Variants in PCDHA10 observed in about 807,000 individuals in gnomAD.
PCDHA10 encodes protocadherin alpha-10.
A neutral mutation model predicts 61.2 loss-of-function variants in PCDHA10; 45 were observed. The ratio of observed to expected loss-of-function variants is 0.74; its 90% CI spans 0.58 to 0.94. The LOEUF is 0.94. PCDHA10 is among the 40% of genes least tolerant of loss of function. PCDHA10 has a pLI of 0.00. For synonymous variants in PCDHA10, 602 were observed against 548.8 expected, an observed-to-expected ratio of 1.10 and a Z score of -1.35; for missense variants, 1,278 against 1,236.2, an observed-to-expected ratio of 1.03 and a Z score of -0.51.
intron 1 of PCDHA10, among the ~76,000 whole-genome samples, chr5:140,941,193 TTCTTTCTTC>T (rs1563183581): frequency 8.6e-6 from 1 of 116,638 alleles, no homozygotes; most frequent in Non-Finnish European, 1.8e-5. Flanking sequence ...TTCTTTTTTT[TTCTTTCTTC>T]CTTTCTTTCT....
At chr5:140,949,005 A>G (rs1554218775) in intron 1 of PCDHA10, among the ~76,000 whole-genome samples, 1 of 151,654 alleles carries the variant, frequency 6.6e-6, no homozygotes, top group African/African-American at 2.4e-5. Context: ...ACTAATTTTT[A>G]TATGTGATGT....
chr5:140,908,186 G>A (rs189627133), intron 1 of PCDHA10, among the ~76,000 whole-genome samples: 52 of 152,292 alleles, frequency 3.4e-4, no homozygotes, highest in African/African-American at 1.2e-3. Context: ...CCACTTTCAG[G>A]TGGTGGACAT....
chr5:140,871,171 G>GCTGC (rs782249857), intron 1 of PCDHA10: 2 of 1,613,534 alleles, frequency 1.2e-6, no homozygotes, highest in Non-Finnish European at 1.7e-6. Flanking sequence ...GAGCCCAGAG[G>GCTGC]CTGCGCTGGT....
chr5:141,000,417 A>ATTT (rs1563652061), intron 3 of PCDHA10, among the ~76,000 whole-genome samples: 30 of 77,716 alleles, frequency 3.9e-4, no homozygotes, highest in South Asian at 4.7e-4. Flanking sequence ...ATATATATAT[A>ATTT]TATATTTTTT....
intron 3 of PCDHA10, among the ~76,000 whole-genome samples, chr5:140,999,427 G>A (rs1405186577): frequency 6.6e-6 from 1 of 152,172 alleles, no homozygotes; most frequent in Non-Finnish European, 1.5e-5. Flanking sequence ...AAGAGGCCAA[G>A]TACCTTGCCT....
At chr5:140,914,944 CTTTT>C (rs35695909) in intron 1 of PCDHA10, among the ~76,000 whole-genome samples, 298 of 128,244 alleles carry the variant, frequency 2.3e-3, no homozygotes, top group African/African-American at 8.2e-3. Flanking sequence ...GAAAAGTTGT[CTTTT>C]TTTTTTTTTT....
At chr5:140,863,308 G>A (rs782229195) in intron 1 of PCDHA10, 4 of 1,462,176 alleles carry the variant, frequency 2.7e-6, no homozygotes, top group Non-Finnish European at 3.7e-6. Context: ...CGCCATCTGC[G>A]TGGTGTCCAG....
intron 3 of PCDHA10, among the ~76,000 whole-genome samples, chr5:140,996,540 T>C (rs2097730922): frequency 1.3e-5 from 2 of 152,218 alleles, no homozygotes. Flanking sequence ...TGTTTTGATA[T>C]TATGCTGTCA....
At chr5:140,941,222 T>C (rs147673675) in intron 1 of PCDHA10, among the ~76,000 whole-genome samples, 3 of 116,858 alleles carry the variant, frequency 2.6e-5, no homozygotes, top group African/African-American at 6.4e-5. Flanking sequence ...TTCCTTTCTT[T>C]CTTTCTTTCT....
chr5:140,931,864 T>G (rs1554208617), intron 1 of PCDHA10, among the ~76,000 whole-genome samples: 1 of 151,976 alleles, frequency 6.6e-6, no homozygotes, highest in African/African-American at 2.4e-5. Flanking sequence ...ATTCTAGAAA[T>G]AAAATATTTA....
Position 140,858,226 on chromosome 5 carries a change from C to G in PCDHA10, c.2178C>G (p.Thr726=), listed in dbSNP as rs782380359. Residue 726 remains threonine (T), a synonymous_variant, in exon 1 of 4, where the codon ACC becomes ACG. Transcript: ENST00000307360. Reference sequence around the variant, plus strand: ...CACTGAGGTGCTCGGCGGCGCCCACCGAGGGCGCATGTGGGCCGGTGAAGC... The same window carrying G: ...CACTGAGGTGCTCGGCGGCGCCCACGGAGGGCGCATGTGGGCCGGTGAAGC... ...YTALRCSAAP[T]EGACGPVKPT... is the part of the protein sequence containing the mutation. 1.3e-6 allele frequency: 2 copies of G among 1,595,414 alleles called. No homozygotes were observed. The highest frequency in any genetic ancestry group is 1.7e-5 in the Admixed American group (1 of 59,252).
At position 140,987,235 on chromosome 5, in the gene PCDHA10, T is replaced by G. The variant is rs189203030; in HGVS notation, c.2536+4672T>G. Among the ~76,000 whole-genome samples, 565 of 151,370 alleles carry G rather than the reference T, an allele frequency of 3.7e-3. 4 individuals are homozygous for G. The highest frequency in any genetic ancestry group is 0.013 in the African/African-American group (539 of 41,236). On this transcript the variant is annotated intron_variant, in intron 3 of 3. Transcript: ENST00000307360. Reference sequence around the variant, plus strand: ...TCTCAAAAAAAAAAAAAATAATAAATAAAGAAAGAAAGACATTCTCAGGAA... The same window carrying G: ...TCTCAAAAAAAAAAAAAATAATAAAGAAAGAAAGAAAGACATTCTCAGGAA...
Position 141,009,910 on chromosome 5 carries a change from C to G in PCDHA10, c.2820C>G (p.Asn940Lys), listed in dbSNP as rs1554262551. ...CCCAGGAGAAAAAAGAGAAAGGGAA[C>G]AGCACGACTGACAACAGTGACCAGT... The part of the protein sequence containing the change: ...NKTQEKKEKG[N>K]STTDNSDQ Residue 940 changes from asparagine to lysine, a missense_variant, in exon 4 of 4, where the codon AAC (asparagine) becomes AAG (lysine). Physicochemically the swap from Asn to Lys is moderately conservative, Grantham distance 94 (BLOSUM62 0). Transcript: ENST00000307360. 28 of 1,612,616 alleles carry G rather than the reference C, an allele frequency of 1.7e-5. No homozygotes were observed. Among genetic ancestry groups the G allele is most frequent in the African/African-American group, 5.4e-5 (4 of 74,736 alleles).
chr5:140,870,833 A>G (rs782800341), intron 1 of PCDHA10: 3 of 1,613,654 alleles, frequency 1.9e-6, no homozygotes, highest in Admixed American at 3.3e-5. Context: ...GGCGCAGTTA[A>G]CAAGCTAGTA....
intron 3 of PCDHA10, among the ~76,000 whole-genome samples, chr5:140,992,504 C>T (rs2097516189): frequency 6.6e-6 from 1 of 152,174 alleles, no homozygotes; most frequent in African/African-American, 2.4e-5. Context: ...GGATTCAATC[C>T]TGGGGCATGG....
chr5:140,876,180 T>C (rs782772220), intron 1 of PCDHA10: 1 of 1,613,982 alleles, frequency 6.2e-7, no homozygotes, highest in South Asian at 1.1e-5. Context: ...TGGATGTGAA[T>C]GACAATGGTC....
chr5:140,928,219 C>T (rs2153594773), intron 1 of PCDHA10: 1 of 1,614,166 alleles, frequency 6.2e-7, no homozygotes, highest in African/African-American at 1.3e-5. Flanking sequence ...TGACAATACA[C>T]CAAACTTTCC....
At chr5:140,960,265 T>A (rs1380537220) in intron 1 of PCDHA10, among the ~76,000 whole-genome samples, 2 of 152,174 alleles carry the variant, frequency 1.3e-5, no homozygotes, top group African/African-American at 4.8e-5. Context: ...TTCTGATAAA[T>A]TCCGTCACCT....
intron 3 of PCDHA10, among the ~76,000 whole-genome samples, chr5:140,995,446 T>C (rs2097684088): frequency 6.6e-6 from 1 of 152,206 alleles, no homozygotes; most frequent in Non-Finnish European, 1.5e-5. Flanking sequence ...TTAAAACTTA[T>C]GAATTGTTTA....
Sources: gnomAD v4.1 joint callset for allele counts (sites outside exome capture counted in the v4.1 genomes callset) on GRCh38, gnomAD v4.1.1 for gene constraint, MANE v1.5 for transcripts, NCBI Gene and HGNC (gene_info 2026-07-23, HGNC 2026-07-21) for gene names.